Variants in CDKL5 observed in about 807,000 individuals in gnomAD.
CDKL5 encodes cyclin-dependent kinase-like 5.
Under a neutral mutation model 61.7 loss-of-function variants are expected in CDKL5, and 8 were observed. That is an observed-to-expected ratio of 0.13 (90% confidence interval 0.08 to 0.23). The LOEUF is 0.23. Among genes scored for constraint, CDKL5 ranks in the 10% least tolerant of loss-of-function variants. The pLI is 1.00. For synonymous variants in CDKL5, 275 were observed against 272.3 expected, an observed-to-expected ratio of 1.01 and a Z score of -0.10; for missense variants, 440 against 734.5, an observed-to-expected ratio of 0.60 and a Z score of 4.63.
At chrX:18,542,497 G>A (rs1019218292) in intron 3 of CDKL5, among the ~76,000 whole-genome samples, 3 of 111,002 alleles carry the variant, frequency 2.7e-5, no homozygotes, top group Admixed American at 9.6e-5. Context: ...CTTTGTCTGT[G>A]CCCATGGGCT....
intron 1 of CDKL5, among the ~76,000 whole-genome samples, chrX:18,458,943 G>T (rs1261925787): frequency 9.0e-6 from 1 of 111,719 alleles, no homozygotes; most frequent in African/African-American, 3.3e-5. Flanking sequence ...TTACTTCCTG[G>T]CATTATTATT....
intron 14 of CDKL5, among the ~76,000 whole-genome samples, chrX:18,611,127 C>A (rs971965117): frequency 3.6e-5 from 4 of 111,620 alleles, no homozygotes; most frequent in Non-Finnish European, 7.5e-5. Context: ...ACCATGATTA[C>A]GCTTTAGTAT....
At chrX:18,467,726 C>T (rs1296556277) in intron 1 of CDKL5, among the ~76,000 whole-genome samples, 1 of 111,850 alleles carries the variant, frequency 8.9e-6, no homozygotes, top group East Asian at 2.8e-4. Flanking sequence ...AACAGCCCAC[C>T]ATTGCAGGTT....
chrX:18,558,890 C>A (rs1335211758), intron 3 of CDKL5, among the ~76,000 whole-genome samples: 1 of 112,419 alleles, frequency 8.9e-6, no homozygotes, highest in Non-Finnish European at 1.9e-5. Context: ...CATGTACCAT[C>A]CTAGGATTCG....
intron 3 of CDKL5, among the ~76,000 whole-genome samples, chrX:18,523,146 C>T (rs1001143982): frequency 1.8e-5 from 2 of 110,825 alleles, no homozygotes; most frequent in Admixed American, 9.6e-5. Context: ...TAAAATTTGC[C>T]GTTTTAACTA....
At chrX:18,544,519 G>T (rs1418209972) in intron 3 of CDKL5, among the ~76,000 whole-genome samples, 1 of 111,778 alleles carries the variant, frequency 8.9e-6, no homozygotes, top group Admixed American at 9.5e-5. Context: ...AGGAAATTGA[G>T]GCACAGAGAA....
At chrX:18,506,875 G>A (rs924597153) in intron 1 of CDKL5, 60 bp from the exon 2 acceptor site, 49 of 389,303 alleles carry the variant, frequency 1.3e-4, no homozygotes, top group Admixed American at 5.1e-4. Flanking sequence ...AGGTAAGATT[G>A]GTTACTAGAG....
chrX:18,430,358 C>T (rs920862250), intron 1 of CDKL5, among the ~76,000 whole-genome samples: 1 of 111,982 alleles, frequency 8.9e-6, no homozygotes, highest in Non-Finnish European at 1.9e-5. Flanking sequence ...AAATGGCAGC[C>T]ATTATAATTT....
At chrX:18,479,381 A>G (rs188282713) in intron 1 of CDKL5, among the ~76,000 whole-genome samples, 14 of 91,951 alleles carry the variant, frequency 1.5e-4, no homozygotes, top group Non-Finnish European at 1.8e-4. Context: ...GTGCAGTGGC[A>G]CGATCTCCGC....
At chrX:18,650,147 C>T (rs1036514867) in intron 20 of CDKL5, 2 of 413,768 alleles carry the variant, frequency 4.8e-6, no homozygotes, top group Admixed American at 4.1e-5. Flanking sequence ...GCTCATCTAA[C>T]ACTCCAGAGC....
chrX:18,509,880 G>A (rs1953993575), intron 2 of CDKL5, among the ~76,000 whole-genome samples: 1 of 110,151 alleles, frequency 9.1e-6, no homozygotes, highest in African/African-American at 3.3e-5. Context: ...AGCTGGGTGT[G>A]GTGGTGCATG....
intron 1 of CDKL5, among the ~76,000 whole-genome samples, chrX:18,459,758 G>A (rs1266746156): frequency 3.6e-5 from 3 of 84,418 alleles, no homozygotes; most frequent in Non-Finnish European, 6.7e-5. Flanking sequence ...AGGCTGGAGT[G>A]CAGTGGTGTG....
chrX:18,506,559 C>T lies in CDKL5; in HGVS notation c.-162-376C>T, dbSNP rs554513691. On this transcript the variant is annotated intron_variant, in intron 1 of 17. Coordinates refer to ENST00000623535, the MANE Select transcript of CDKL5 (RefSeq NM_001323289.2). The stretch of plus-strand genomic sequence containing the variant: ...CCTATTTGCCCAATCTTAGAACACA[C>T]ACAAACAAGTTTCATGTCATTGTAT... 7.1e-5 allele frequency among the ~76,000 whole-genome samples: 8 copies of T among 112,428 alleles called. No individual in the cohort carries two copies. The South Asian group carries it at 2.9e-3, about 41-fold the overall frequency.
intron 5 of CDKL5, among the ~76,000 whole-genome samples, chrX:18,579,230 A>G (rs1486903825): frequency 8.9e-6 from 1 of 111,806 alleles, no homozygotes; most frequent in African/African-American, 3.2e-5. Flanking sequence ...TGGAATTTCT[A>G]CATAATAAAA....
At chrX:18,541,556 G>C (rs567919372) in intron 3 of CDKL5, among the ~76,000 whole-genome samples, 2 of 111,201 alleles carry the variant, frequency 1.8e-5, no homozygotes, top group African/African-American at 6.5e-5. Flanking sequence ...TTTGAGACAG[G>C]GTGTCACTCT....
intron 3 of CDKL5, among the ~76,000 whole-genome samples, chrX:18,548,266 A>T (rs1924269889): frequency 9.0e-6 from 1 of 111,186 alleles, no homozygotes; most frequent in African/African-American, 3.3e-5. Flanking sequence ...TGAATTAAAG[A>T]ATAAAAGATT....
chrX:18,505,707 A>AAT (rs1758628274), intron 1 of CDKL5, among the ~76,000 whole-genome samples: 1 of 112,240 alleles, frequency 8.9e-6, no homozygotes, highest in Non-Finnish European at 1.9e-5. Context: ...GGGGGCATAT[A>AAT]ATGTTGGTTT....
At chrX:18,615,028 G>A (rs934454282) in intron 15 of CDKL5, among the ~76,000 whole-genome samples, 9 of 112,222 alleles carry the variant, frequency 8.0e-5, no homozygotes, top group Middle Eastern at 4.6e-3. Flanking sequence ...TGTTTTACGC[G>A]TGGATATGTA....
chrX:18,617,426 G>A (rs953465567), intron 15 of CDKL5, among the ~76,000 whole-genome samples: 2 of 112,036 alleles, frequency 1.8e-5, no homozygotes, highest in Non-Finnish European at 3.8e-5. Context: ...TGTCTTCCAG[G>A]TGGAATCACA....
Sources: allele counts gnomAD v4.1 joint callset (sites outside exome capture counted in the v4.1 genomes callset), GRCh38; gene constraint gnomAD v4.1.1; transcripts MANE v1.5; gene names NCBI Gene and HGNC (gene_info 2026-07-23, HGNC 2026-07-21).